RANBP2: variants seen among roughly 807,000 people sequenced by gnomAD.
RANBP2 encodes RAN binding protein 2, also known as E3 SUMO-protein ligase RanBP2.
A neutral mutation model predicts 303.6 loss-of-function variants in RANBP2; 57 were observed. The observed-to-expected ratio is 0.19, with a 90% CI of 0.15 to 0.23. The LOEUF is 0.23. RANBP2 is among the 10% of genes least tolerant of loss of function. RANBP2 has a pLI of 1.00. For missense variants in RANBP2, 3,138 were observed against 3,780.8 expected, an observed-to-expected ratio of 0.83 and a Z score of 4.46; for synonymous variants, 1,167 against 1,301.5, an observed-to-expected ratio of 0.90 and a Z score of 2.23.
the RANBP2 span, among the ~76,000 whole-genome samples, chr2:108,814,380 A>G: frequency 6.6e-6 from 1 of 152,112 alleles, no homozygotes; most frequent in African/African-American, 2.4e-5. Flanking sequence ...CTAGTTCTTT[A>G]TAAATTGAGA....
At chr2:109,107,273 CT>C in the RANBP2 span, among the ~76,000 whole-genome samples, 1 of 151,112 alleles carries the variant, frequency 6.6e-6, no homozygotes, top group Non-Finnish European at 1.5e-5. Context: ...TAAAAGAACG[CT>C]GGAGACCATC....
intron 20 of RANBP2, 92 bp downstream of exon 20, chr2:108,768,480 T>A: frequency 6.3e-7 from 1 of 1,598,232 alleles, no homozygotes; most frequent in Non-Finnish European, 8.5e-7. Flanking sequence ...AATGTTGGGA[T>A]ATAAATGATG....
the RANBP2 span, among the ~76,000 whole-genome samples, chr2:109,054,696 CA>C: frequency 0.033 from 1,894 of 57,814 alleles, 25 homozygotes; most frequent in African/African-American, 0.085. Flanking sequence ...GACTCCGTCT[CA>C]AAAAAAAAAA....
chr2:108,793,854 G>A, the RANBP2 span, among the ~76,000 whole-genome samples: 7,103 of 151,456 alleles, frequency 0.047, 557 homozygotes, highest in African/African-American at 0.16. Flanking sequence ...CGCCCGCCTC[G>A]GCCTCCCAAA....
chr2:109,389,529 G>A, the RANBP2 span, among the ~76,000 whole-genome samples: 19,679 of 152,148 alleles, frequency 0.13, 1,540 homozygotes, highest in East Asian at 0.24. Flanking sequence ...TAAAAAGGCC[G>A]GTCAGGACCC....
chr2:109,143,014 A>G, the RANBP2 span, among the ~76,000 whole-genome samples: 3 of 151,978 alleles, frequency 2.0e-5, no homozygotes, highest in African/African-American at 7.3e-5. Flanking sequence ...GGCACTAGAG[A>G]TGAGGAAAGG....
the RANBP2 span, among the ~76,000 whole-genome samples, chr2:108,868,856 G>A: frequency 2.6e-5 from 4 of 152,020 alleles, no homozygotes; most frequent in Admixed American, 2.0e-4. Flanking sequence ...TTCTGATGAC[G>A]TTGTCTTGCA....
the RANBP2 span, among the ~76,000 whole-genome samples, chr2:108,937,207 T>C: frequency 6.6e-6 from 1 of 152,238 alleles, no homozygotes; most frequent in East Asian, 1.9e-4. Flanking sequence ...CTCTTCTTTA[T>C]CACTGCACTG....
chr2:109,398,016 G>C, the RANBP2 span, among the ~76,000 whole-genome samples: 1 of 152,204 alleles, frequency 6.6e-6, no homozygotes, highest in African/African-American at 2.4e-5. Context: ...GCCAGCTTCT[G>C]GGGCTTGACA....
chr2:108,751,449 A>G lies in RANBP2; in HGVS notation c.1455+4A>G. 3 of 1,611,964 alleles carry G rather than the reference A, an allele frequency of 1.9e-6. No individual in the cohort carries two copies. The highest frequency in any genetic ancestry group is 2.5e-6 in the Non-Finnish European group (3 of 1,179,852). ...AATATGTATTTTAGATCTTGAAGTA[A>G]GCAAAGATTTTAACAAATTAAATAT... On this transcript the variant is annotated splice_donor_region_variant and intron_variant, in intron 10 of 28. Transcript: ENST00000283195.
At chr2:108,793,571 A>G in the RANBP2 span, among the ~76,000 whole-genome samples, 1 of 151,758 alleles carries the variant, frequency 6.6e-6, no homozygotes, top group Admixed American at 6.6e-5. Context: ...TACTACTTAT[A>G]TACCCTCAGG....
At chr2:109,342,806 C>G in the RANBP2 span, among the ~76,000 whole-genome samples, 87 of 152,302 alleles carry the variant, frequency 5.7e-4, no homozygotes, top group African/African-American at 1.9e-3. Context: ...GACATTAAGT[C>G]CAGAGGAAGA....
chr2:109,456,594 C>T, the RANBP2 span, among the ~76,000 whole-genome samples: 3 of 152,208 alleles, frequency 2.0e-5, no homozygotes, highest in Non-Finnish European at 4.4e-5. Flanking sequence ...TTGTTATCTG[C>T]GCCCTCCCAG....
chr2:109,692,719 TA>T, the RANBP2 span, among the ~76,000 whole-genome samples: 16 of 152,154 alleles, frequency 1.1e-4, no homozygotes, highest in Non-Finnish European at 2.1e-4. Context: ...GCTGCCTGCA[TA>T]AATTCACCTC....
At chr2:108,949,555 C>T in the RANBP2 span, among the ~76,000 whole-genome samples, 1 of 152,152 alleles carries the variant, frequency 6.6e-6, no homozygotes, top group Non-Finnish European at 1.5e-5. Context: ...CAAACCAGTG[C>T]ATGACTTGCA....
chr2:109,420,787 C>T, the RANBP2 span, among the ~76,000 whole-genome samples: 1 of 152,194 alleles, frequency 6.6e-6, no homozygotes, highest in Non-Finnish European at 1.5e-5. Context: ...TGAAGAGCAA[C>T]TTGCCAAGCT....
chr2:109,213,899 G>T, the RANBP2 span, among the ~76,000 whole-genome samples: 1 of 152,294 alleles, frequency 6.6e-6, no homozygotes, highest in East Asian at 1.9e-4. Flanking sequence ...AAAGCCTCCC[G>T]GGACACTGGT....
chr2:109,599,151 C>T, the RANBP2 span, among the ~76,000 whole-genome samples: 118 of 151,758 alleles, frequency 7.8e-4, no homozygotes, highest in Admixed American at 3.0e-3. Flanking sequence ...TTATTACAAC[C>T]CAGAAAAAAA....
the RANBP2 span, among the ~76,000 whole-genome samples, chr2:109,096,738 A>G: frequency 1.3e-5 from 2 of 151,612 alleles, no homozygotes; most frequent in Admixed American, 1.3e-4. Flanking sequence ...AATGCTGGCG[A>G]TCCTTTTTTG....
Sources: allele counts gnomAD v4.1 joint callset (sites outside exome capture counted in the v4.1 genomes callset), GRCh38; gene constraint gnomAD v4.1.1; transcripts MANE v1.5; gene names NCBI Gene and HGNC (gene_info 2026-07-23, HGNC 2026-07-21).